CYSTM1: variants seen among roughly 807,000 people sequenced by gnomAD.
CYSTM1 encodes the protein cysteine rich transmembrane module containing 1.
A neutral mutation model predicts 13.1 loss-of-function variants in CYSTM1; 4 were observed. That is an observed-to-expected ratio of 0.31 (90% CI 0.15 to 0.70). CYSTM1 has a LOEUF of 0.70. Ranked by LOEUF, CYSTM1 falls within the 30% of genes least tolerant of loss-of-function variation. The pLI is 0.72. For missense variants in CYSTM1, 96 were observed against 121.6 expected (o/e 0.79, Z 0.99); for synonymous variants, 36 against 42.7 (o/e 0.84, Z 0.62).
At chr5:140,179,811 C>T (rs1196402209) in intron 1 of CYSTM1, among the ~76,000 whole-genome samples, 1 of 151,846 alleles carries the variant, frequency 6.6e-6, no homozygotes, top group East Asian at 2.0e-4. Context: ...CAGGCATGCA[C>T]TACCATGCCT....
At chr5:140,182,884 T>G (rs1475009918) in intron 1 of CYSTM1, among the ~76,000 whole-genome samples, 2 of 152,182 alleles carry the variant, frequency 1.3e-5, no homozygotes, top group East Asian at 3.9e-4. Flanking sequence ...TACTTCCTGG[T>G]TTGATGTGAA....
chr5:140,208,567 A>G (rs149592470), intron 2 of CYSTM1, among the ~76,000 whole-genome samples: 1 of 152,348 alleles, frequency 6.6e-6, no homozygotes, highest in East Asian at 1.9e-4. Context: ...ACATTTAAAA[A>G]TAACTAAAAG....
chr5:140,235,827 A>G (rs911268139), intron 2 of CYSTM1, among the ~76,000 whole-genome samples: 2 of 152,170 alleles, frequency 1.3e-5, no homozygotes, highest in African/African-American at 2.4e-5. Flanking sequence ...CCTTTGGTCT[A>G]TCTGAGGCAG....
intron 1 of CYSTM1, among the ~76,000 whole-genome samples, chr5:140,187,835 A>G (rs1764036899): frequency 6.6e-6 from 1 of 152,176 alleles, no homozygotes; most frequent in Non-Finnish European, 1.5e-5. Context: ...CTGGTACCCA[A>G]CCAAGTGACT....
rs754051441 is a variant in CYSTM1 at position 140,239,202 on chromosome 5, A to G, written c.188-4103A>G. The stretch of plus-strand genomic sequence containing the variant: ...CATTTACAAAGTCCCAGCCATGCAG[A>G]TGAAGGTTTCAGATGCCAGAATGGG... On this transcript the variant is annotated intron_variant, in intron 2 of 2. Transcript: ENST00000261811. This position sits in a 1 kb window ranked among gnomAD's most constrained non-coding sequence, Gnocchi z 5.4. Among the ~76,000 whole-genome samples, 3 of 152,180 alleles carry G rather than the reference A, an allele frequency of 2.0e-5. No individual in the cohort carries two copies. Among genetic ancestry groups the G allele is most frequent in the Non-Finnish European group, 2.9e-5 (2 of 68,030 alleles).
chr5:140,177,438 G>A (rs1344899939), intron 1 of CYSTM1, among the ~76,000 whole-genome samples: 2 of 152,140 alleles, frequency 1.3e-5, no homozygotes, highest in Non-Finnish European at 2.9e-5. Flanking sequence ...TGTTTTCTGG[G>A]AGGTAGTGAA....
chr5:140,220,499 A>G (rs1764477134), intron 2 of CYSTM1, among the ~76,000 whole-genome samples: 1 of 152,144 alleles, frequency 6.6e-6, no homozygotes, highest in African/African-American at 2.4e-5. Context: ...AATTGTGTTT[A>G]TAATTGGTCT....
At chr5:140,227,422 C>T (rs999944599) in intron 2 of CYSTM1, among the ~76,000 whole-genome samples, 1 of 152,082 alleles carries the variant, frequency 6.6e-6, no homozygotes, top group Non-Finnish European at 1.5e-5. Context: ...GATAGCATCC[C>T]CTACTTGCCA....
chr5:140,198,810 G>C (rs1314319324), intron 2 of CYSTM1, among the ~76,000 whole-genome samples: 2 of 152,118 alleles, frequency 1.3e-5, no homozygotes, highest in Non-Finnish European at 2.9e-5. Context: ...CATAATTCCA[G>C]AACATTTTCT....
intron 2 of CYSTM1, among the ~76,000 whole-genome samples, chr5:140,237,038 C>A (rs987328242): frequency 6.6e-6 from 1 of 152,184 alleles, no homozygotes; most frequent in Non-Finnish European, 1.5e-5. Flanking sequence ...CTCACACATG[C>A]CTTGCTCAGG....
chr5:140,213,989 G>A (rs1764400491), intron 2 of CYSTM1, among the ~76,000 whole-genome samples: 1 of 152,184 alleles, frequency 6.6e-6, no homozygotes, highest in South Asian at 2.1e-4. Flanking sequence ...TGTTAGCAGT[G>A]GTAAAGGAGG....
At chr5:140,217,188 A>C (rs755448221) in intron 2 of CYSTM1, among the ~76,000 whole-genome samples, 5 of 152,232 alleles carry the variant, frequency 3.3e-5, no homozygotes, top group Middle Eastern at 3.4e-3. Flanking sequence ...CAGCCTGGAG[A>C]ATTTTAGAGA....
chr5:140,177,878 T>C (rs537837593), intron 1 of CYSTM1, among the ~76,000 whole-genome samples: 1 of 152,358 alleles, frequency 6.6e-6, no homozygotes, highest in South Asian at 2.1e-4. Context: ...CAACTAATTA[T>C]GGTTCCTTTG....
At chr5:140,235,842 AT>A (rs1159291295) in intron 2 of CYSTM1, among the ~76,000 whole-genome samples, 2 of 152,234 alleles carry the variant, frequency 1.3e-5, no homozygotes, top group Non-Finnish European at 2.9e-5. Context: ...AGGCAGTGGC[AT>A]TACAAGACTC....
At chr5:140,198,291 CAAT>C (rs10602129) in intron 2 of CYSTM1, among the ~76,000 whole-genome samples, 11,362 of 152,280 alleles carry the variant, frequency 0.075, 554 homozygotes, top group South Asian at 0.17. Context: ...CTTAAAACAA[CAAT>C]GATTTATTAT....
Position 140,239,260 on chromosome 5 carries a change from T to C in CYSTM1, c.188-4045T>C, listed in dbSNP as rs1433466740. 6.6e-6 allele frequency among the ~76,000 whole-genome samples: 1 copy of C among 152,134 alleles called. No individual in the cohort carries two copies. Among genetic ancestry groups the C allele is most frequent in the Non-Finnish European group, 1.5e-5 (1 of 68,010 alleles). On this transcript the variant is annotated intron_variant, in intron 2 of 2. Coordinates refer to ENST00000261811, the MANE Select transcript of CYSTM1 (RefSeq NM_032412.4). The surrounding 1 kb of genome is among the most constrained non-coding windows in gnomAD (Gnocchi z 5.4). ...ATTGGAGCCTTCACCTGAGAAGGCCTATACTCACACTTCCTGCAGGTCATC... is the reference window on the plus strand; with the variant it reads ...ATTGGAGCCTTCACCTGAGAAGGCCCATACTCACACTTCCTGCAGGTCATC...
intron 2 of CYSTM1, among the ~76,000 whole-genome samples, chr5:140,227,250 C>T (rs952663899): frequency 2.0e-5 from 3 of 152,158 alleles, no homozygotes; most frequent in Non-Finnish European, 2.9e-5. Flanking sequence ...GAAGTACTGC[C>T]ACCTGGTGTG....
chr5:140,225,735 GCAGGGCCTTCGGTTCCTGGCAGT>G (rs986655080), intron 2 of CYSTM1, among the ~76,000 whole-genome samples: 3 of 152,304 alleles, frequency 2.0e-5, no homozygotes, highest in Admixed American at 2.0e-4. Flanking sequence ...GTGTGCCTAG[GCAGGGCCTTCGGTTCCTGGCAGT>G]CCCCTCCCCA....
intron 1 of CYSTM1, among the ~76,000 whole-genome samples, chr5:140,191,302 G>C (rs967983558): frequency 6.6e-6 from 1 of 151,574 alleles, no homozygotes; most frequent in Admixed American, 6.6e-5. Flanking sequence ...ATGGTAGCTG[G>C]AGCACCTTTG....
Sources: gnomAD v4.1 joint callset for allele counts (sites outside exome capture counted in the v4.1 genomes callset) on GRCh38, gnomAD v4.1.1 for gene constraint, Gnocchi (gnomAD v3.1) non-coding constraint, MANE v1.5 for transcripts, NCBI Gene and HGNC (gene_info 2026-07-23, HGNC 2026-07-21) for gene names.